The following TRPC6 variants were observed in gnomAD, a reference collection of about 807,000 sequenced individuals.
TRPC6 encodes transient receptor potential cation channel subfamily C member 6, also known as short transient receptor potential channel 6.
A neutral mutation model predicts 90.7 loss-of-function variants in TRPC6; 55 were observed. The observed-to-expected ratio is 0.61, with a 90% confidence interval of 0.49 to 0.76. The LOEUF (loss-of-function observed/expected upper bound fraction) is 0.76, where lower values mean the gene tolerates loss of function less well. Ranked by LOEUF, TRPC6 falls within the 30% of genes least tolerant of loss-of-function variation. The pLI is 0.00. For missense variants in TRPC6, 989 were observed against 1,122.7 expected, an observed-to-expected ratio of 0.88 and a Z score of 1.70; for synonymous variants, 393 against 393.0, an observed-to-expected ratio of 1.00 and a Z score of 0.00.
chr11:101,481,888 T>C (rs1859560872), intron 5 of TRPC6, among the ~76,000 whole-genome samples: 1 of 152,226 alleles, frequency 6.6e-6, no homozygotes, highest in South Asian at 2.1e-4. Flanking sequence ...TAAATGCACC[T>C]TGGCTCCTTC....
At chr11:101,458,261 C>T (rs930841453) in intron 10 of TRPC6, among the ~76,000 whole-genome samples, 4 of 152,132 alleles carry the variant, frequency 2.6e-5, no homozygotes, top group African/African-American at 9.7e-5. Context: ...TCAATTCATC[C>T]TAGAGATATT....
At chr11:101,564,790 G>T (rs1861793254) in intron 1 of TRPC6, among the ~76,000 whole-genome samples, 1 of 152,066 alleles carries the variant, frequency 6.6e-6, no homozygotes, top group Non-Finnish European at 1.5e-5. Flanking sequence ...AACAAAGTTG[G>T]AGGCATCACA....
At chr11:101,554,837 C>A in intron 1 of TRPC6, among the ~76,000 whole-genome samples, 1 of 152,140 alleles carries the variant, frequency 6.6e-6, no homozygotes, top group East Asian at 1.9e-4. Context: ...AATCCCAGCC[C>A]TATTTCCTTG....
At chr11:101,470,609 G>T (rs968713076) in intron 9 of TRPC6, among the ~76,000 whole-genome samples, 4 of 152,084 alleles carry the variant, frequency 2.6e-5, no homozygotes, top group Non-Finnish European at 5.9e-5. Context: ...TCGCCCTACT[G>T]CCTCATCTAA....
intron 1 of TRPC6, among the ~76,000 whole-genome samples, chr11:101,576,868 A>G (rs1467549596): frequency 6.6e-6 from 1 of 152,200 alleles, no homozygotes; most frequent in Non-Finnish European, 1.5e-5. Flanking sequence ...TGGACTTTTA[A>G]GCACATCTGG....
At chr11:101,556,005 T>A (rs146436580) in intron 1 of TRPC6, among the ~76,000 whole-genome samples, 9 of 152,238 alleles carry the variant, frequency 5.9e-5, no homozygotes, top group South Asian at 2.1e-4. Flanking sequence ...GGGGATTTTT[T>A]AAATGTCTTG....
intron 1 of TRPC6, 24 bp downstream of exon 1, chr11:101,583,310 C>A (rs1267994063): frequency 6.4e-7 from 1 of 1,561,762 alleles, no homozygotes; most frequent in Admixed American, 1.8e-5. Context: ...CGCGCCCGAT[C>A]CGCCCCGCGT....
chr11:101,550,245 A>C (rs1565239624), intron 1 of TRPC6, among the ~76,000 whole-genome samples: 1 of 151,644 alleles, frequency 6.6e-6, no homozygotes, highest in Non-Finnish European at 1.5e-5. Flanking sequence ...TCCTTGATAG[A>C]ATTTTATCTG....
intron 1 of TRPC6, chr11:101,519,828 A>C (rs1176545038): frequency 6.5e-6 from 1 of 153,486 alleles, no homozygotes; most frequent in Admixed American, 6.6e-5. Flanking sequence ...TTACTGAGTG[A>C]GGGGGTCAGA....
chr11:101,479,813 AG>A (rs1240694394), intron 5 of TRPC6, among the ~76,000 whole-genome samples: 1 of 148,290 alleles, frequency 6.7e-6, no homozygotes, highest in Non-Finnish European at 1.5e-5. Context: ...TTTTGATTAG[AG>A]CCTCATTTAA....
At chr11:101,511,316 G>T (rs1860387969) in intron 1 of TRPC6, among the ~76,000 whole-genome samples, 1 of 151,974 alleles carries the variant, frequency 6.6e-6, no homozygotes, top group Non-Finnish European at 1.5e-5. Flanking sequence ...CAATTAAAGT[G>T]GTTTTCCTTA....
At chr11:101,577,248 A>G (rs747268231) in intron 1 of TRPC6, among the ~76,000 whole-genome samples, 2 of 151,408 alleles carry the variant, frequency 1.3e-5, no homozygotes, top group Admixed American at 6.6e-5. Context: ...CTAGACCACT[A>G]CATATGTATA....
chr11:101,490,533 T>A (rs1591081825), intron 3 of TRPC6, among the ~76,000 whole-genome samples: 1 of 152,344 alleles, frequency 6.6e-6, no homozygotes, highest in Non-Finnish European at 1.5e-5. Flanking sequence ...CTTGGCTCAC[T>A]GCAACCTCTG....
At chr11:101,501,722 CTGGT>C (rs752901836) in intron 2 of TRPC6, among the ~76,000 whole-genome samples, 1,683 of 152,198 alleles carry the variant, frequency 0.011, 27 homozygotes, top group African/African-American at 0.037. Flanking sequence ...GAAATCTTTT[CTGGT>C]TTGTTTTTGT....
At position 101,452,942 on chromosome 11, in the gene TRPC6, G is replaced by GGAA. The variant is rs772625640; in HGVS notation, c.*10_*12dup. ...TGGACAAATAAATATGAATTTCTAA[G>GGAA]GAAGTCTTCGCATTATCTATTGGTT... On this transcript the variant is annotated 3_prime_UTR_variant, in exon 13 of 13. Transcript: ENST00000344327. 1.2e-6 allele frequency: 2 copies of GGAA among 1,613,376 alleles called. No individual in the cohort carries two copies. The highest frequency in any genetic ancestry group is 8.5e-7 in the Non-Finnish European group (1 of 1,179,568).
chr11:101,530,824 A>C (rs1348345374), intron 1 of TRPC6, among the ~76,000 whole-genome samples: 3 of 152,218 alleles, frequency 2.0e-5, no homozygotes, highest in Non-Finnish European at 4.4e-5. Flanking sequence ...TCCACAAAAT[A>C]AGATATTTAA....
chr11:101,484,235 T>C (rs890242481), intron 4 of TRPC6, among the ~76,000 whole-genome samples: 6 of 152,154 alleles, frequency 3.9e-5, no homozygotes, highest in African/African-American at 1.4e-4. Context: ...GGAAGTGAAG[T>C]CCAGAAACTT....
chr11:101,540,917 G>C (rs1332323379), intron 1 of TRPC6, among the ~76,000 whole-genome samples: 1 of 149,706 alleles, frequency 6.7e-6, no homozygotes, highest in African/African-American at 2.4e-5. Flanking sequence ...AAACCTGCAA[G>C]GAACTATAAA....
At chr11:101,568,150 A>G (rs1033157662) in intron 1 of TRPC6, among the ~76,000 whole-genome samples, 3 of 152,202 alleles carry the variant, frequency 2.0e-5, no homozygotes, top group African/African-American at 7.2e-5. Flanking sequence ...GCTAACTAGA[A>G]TAACCAGTTT....
Sources: gnomAD v4.1 joint callset for allele counts (sites outside exome capture counted in the v4.1 genomes callset) on GRCh38, gnomAD v4.1.1 for gene constraint, MANE v1.5 for transcripts, NCBI Gene and HGNC (gene_info 2026-07-23, HGNC 2026-07-21) for gene names.